CSRNP3: variants seen among roughly 807,000 people sequenced by gnomAD.
The protein encoded by CSRNP3 is cysteine/serine-rich nuclear protein 3.
In CSRNP3, 12 loss-of-function variants were observed where a neutral mutation model predicts 48.0. The observed-to-expected ratio is 0.25, with a 90% CI of 0.16 to 0.41. CSRNP3 has a LOEUF of 0.41. CSRNP3 is among the 10% of genes least tolerant of loss of function. The probability of loss-of-function intolerance (pLI) is 1.00; values close to 1 mark genes in which losing one functional copy is unlikely to be tolerated. For synonymous variants in CSRNP3, 263 were observed against 269.7 expected (o/e 0.98, Z 0.24); for missense variants, 580 against 724.4 (o/e 0.80, Z 2.29).
chr2:165,607,692 A>G (rs1393343351), intron 4 of CSRNP3, among the ~76,000 whole-genome samples: 1 of 152,110 alleles, frequency 6.6e-6, no homozygotes, highest in Non-Finnish European at 1.5e-5. Flanking sequence ...TGAAAGAAAA[A>G]TATGTAGGTT....
chr2:165,527,236 T>C, intron 3 of CSRNP3, among the ~76,000 whole-genome samples: 1 of 129,252 alleles, frequency 7.7e-6, no homozygotes, highest in East Asian at 2.4e-4. Context: ...AGACAGAGGC[T>C]CATTCTGTTG....
rs1684264873 is a variant in CSRNP3, at chr2:165,494,804, A to C, written c.-237A>C. The C allele has an allele frequency of 4.7e-6, 1 of 211,858 alleles. No homozygotes were observed. The highest frequency in any genetic ancestry group is 1.1e-5 in the Non-Finnish European group (1 of 93,128). The allele number at this position is 211,858 out of a possible 1,614,324, so 13.1% of individuals were successfully genotyped here. ...GCTATGAGTGGAATTTTAAAGGGGA[A>C]GTTTGAAGAAGTCAACGGCTCCTCA... On this transcript the variant is annotated 5_prime_UTR_variant, in exon 2 of 7. Transcript: ENST00000651982.
At chr2:165,489,356 T>C (rs1402870383) in intron 1 of CSRNP3, among the ~76,000 whole-genome samples, 1 of 139,122 alleles carries the variant, frequency 7.2e-6, no homozygotes, top group Non-Finnish European at 1.6e-5. Flanking sequence ...ACAGCCGAAT[T>C]CTACCAGAGG....
chr2:165,668,246 C>G, intron 5 of CSRNP3, among the ~76,000 whole-genome samples: 1 of 152,054 alleles, frequency 6.6e-6, no homozygotes, highest in East Asian at 1.9e-4. Flanking sequence ...ATCTGATGTC[C>G]TCTCCATTAG....
At chr2:165,513,588 T>C (rs1372229602) in intron 2 of CSRNP3, among the ~76,000 whole-genome samples, 2 of 152,216 alleles carry the variant, frequency 1.3e-5, no homozygotes, top group African/African-American at 2.4e-5. Context: ...ATTAAAAATA[T>C]TACAAGCTAA....
chr2:165,607,730 T>TC (rs1345374919), intron 4 of CSRNP3, among the ~76,000 whole-genome samples: 1 of 152,154 alleles, frequency 6.6e-6, no homozygotes, highest in Non-Finnish European at 1.5e-5. Flanking sequence ...CCCTAGTGCA[T>TC]CAGTTGAACT....
At chr2:165,509,035 T>C (rs16850814) in intron 2 of CSRNP3, among the ~76,000 whole-genome samples, 37,086 of 152,064 alleles carry the variant, frequency 0.24, 4,675 homozygotes, top group East Asian at 0.35. Context: ...GTAAAATACA[T>C]ACTCCTATCA....
chr2:165,518,955 A>G (rs1684615430), intron 3 of CSRNP3, among the ~76,000 whole-genome samples: 1 of 152,096 alleles, frequency 6.6e-6, no homozygotes, highest in Admixed American at 6.5e-5. Flanking sequence ...GCAACATATA[A>G]TTAAACAGAC....
intron 1 of CSRNP3, among the ~76,000 whole-genome samples, chr2:165,472,544 A>G (rs1202261101): frequency 6.6e-6 from 1 of 152,018 alleles, no homozygotes; most frequent in Non-Finnish European, 1.5e-5. Context: ...TCCTTAATTT[A>G]AAACATTTTT....
chr2:165,648,588 A>G (rs969709112), intron 4 of CSRNP3, among the ~76,000 whole-genome samples: 1 of 152,120 alleles, frequency 6.6e-6, no homozygotes, highest in Non-Finnish European at 1.5e-5. Context: ...TCAAGTTTAT[A>G]ACTTTAAAAT....
intron 3 of CSRNP3, among the ~76,000 whole-genome samples, chr2:165,581,995 T>TG (rs1685555859): frequency 6.6e-6 from 1 of 152,194 alleles, no homozygotes. Context: ...CTCCACAAAG[T>TG]GTTTTATAAT....
rs1318325686 is a variant in CSRNP3, at chr2:165,489,333, AC to A, written c.-282-5424del. Among the ~76,000 whole-genome samples the A allele has an allele frequency of 5.2e-4, 74 of 143,592 alleles. No individual in the cohort carries two copies. The East Asian group carries it at 5.8e-3, about 11-fold the overall frequency. The allele number at this position is 143,592 out of a possible 152,430, so 94.2% of individuals were successfully genotyped here. On this transcript the variant is annotated intron_variant, in intron 1 of 6. Transcript: ENST00000651982. The stretch of plus-strand genomic sequence containing the variant: ...GTTTACCAACCAAAAAGAGTCCAGG[AC>A]CAGATGGATTCACAGCCGAATTCTA...
intron 4 of CSRNP3, among the ~76,000 whole-genome samples, chr2:165,626,512 T>C (rs1411406820): frequency 6.6e-6 from 1 of 152,226 alleles, no homozygotes; most frequent in Non-Finnish European, 1.5e-5. Context: ...AAAGTACTGC[T>C]AACATTCCGT....
chr2:165,675,847 C>G (rs1045354808), intron 5 of CSRNP3, among the ~76,000 whole-genome samples: 5 of 152,176 alleles, frequency 3.3e-5, no homozygotes, highest in African/African-American at 7.2e-5. Context: ...TGCTGGAACT[C>G]AAAAGACAGA....
intron 4 of CSRNP3, among the ~76,000 whole-genome samples, chr2:165,637,903 A>T (rs1030358478): frequency 1.1e-4 from 17 of 152,208 alleles, no homozygotes; most frequent in Non-Finnish European, 2.2e-4. Flanking sequence ...AGTATTTTTT[A>T]AAATGTACTA....
At chr2:165,476,770 T>G (rs1301947898) in intron 1 of CSRNP3, among the ~76,000 whole-genome samples, 4 of 152,244 alleles carry the variant, frequency 2.6e-5, no homozygotes, top group African/African-American at 9.6e-5. Context: ...TTCTTATCTG[T>G]AAAATTCAGT....
intron 3 of CSRNP3, among the ~76,000 whole-genome samples, chr2:165,521,892 C>T (rs971145880): frequency 6.6e-6 from 1 of 152,136 alleles, no homozygotes; most frequent in African/African-American, 2.4e-5. Flanking sequence ...GATAGAGAAG[C>T]GTTAAGCCAG....
intron 4 of CSRNP3, among the ~76,000 whole-genome samples, chr2:165,621,530 C>T (rs892015271): frequency 5.9e-5 from 9 of 152,054 alleles, no homozygotes; most frequent in African/African-American, 2.2e-4. Flanking sequence ...ATAAAAAGTA[C>T]GTGAAGTAGC....
At chr2:165,673,739 A>C (rs1014822363) in intron 5 of CSRNP3, among the ~76,000 whole-genome samples, 1 of 152,106 alleles carries the variant, frequency 6.6e-6, no homozygotes, top group South Asian at 2.1e-4. Context: ...AACCATTTTT[A>C]AAAAATAGAG....
Sources: gnomAD v4.1 joint callset for allele counts (sites outside exome capture counted in the v4.1 genomes callset) on GRCh38, gnomAD v4.1.1 for gene constraint, MANE v1.5 for transcripts, NCBI Gene and HGNC (gene_info 2026-07-23, HGNC 2026-07-21) for gene names.